Variants in HIBADH observed in about 807,000 individuals in gnomAD.
HIBADH encodes 3-hydroxyisobutyrate dehydrogenase.
Under a neutral mutation model 36.1 loss-of-function variants are expected in HIBADH, and 25 were observed. The observed-to-expected ratio is 0.69, with a 90% CI of 0.50 to 0.97. The LOEUF (loss-of-function observed/expected upper bound fraction) is 0.97, where lower values mean the gene tolerates loss of function less well. Among genes scored for constraint, HIBADH ranks in the 50% least tolerant of loss-of-function variants. The pLI is 0.00. For missense variants in HIBADH, 421 were observed against 418.0 expected (o/e 1.01, Z -0.06); for synonymous variants, 160 against 149.5 (o/e 1.07, Z -0.51).
chr7:27,578,763 ACT>A (rs1426460637), intron 4 of HIBADH, among the ~76,000 whole-genome samples: 1 of 152,152 alleles, frequency 6.6e-6, no homozygotes, highest in African/African-American at 2.4e-5. Context: ...AAGTAGTCAA[ACT>A]CTGCTTCCTT....
At chr7:27,575,967 G>A (rs951684023) in intron 4 of HIBADH, among the ~76,000 whole-genome samples, 1 of 152,138 alleles carries the variant, frequency 6.6e-6, no homozygotes, top group African/African-American at 2.4e-5. Context: ...CCCACCCTAG[G>A]ATTACTTTAA....
At chr7:27,591,489 T>G (rs1183784740) in intron 4 of HIBADH, among the ~76,000 whole-genome samples, 1 of 151,500 alleles carries the variant, frequency 6.6e-6, no homozygotes, top group Non-Finnish European at 1.5e-5. Context: ...AGGCGGAGGT[T>G]GCAGTGAGCC....
chr7:27,548,196 T>TAA (rs36140938), intron 4 of HIBADH, among the ~76,000 whole-genome samples: 2,116 of 144,152 alleles, frequency 0.015, 40 homozygotes, highest in South Asian at 0.02. Context: ...CTCTCTCTCT[T>TAA]AAAAAAAAAA....
At chr7:27,582,002 T>G (rs753866044) in intron 4 of HIBADH, among the ~76,000 whole-genome samples, 18 of 152,162 alleles carry the variant, frequency 1.2e-4, no homozygotes, top group Non-Finnish European at 2.2e-4. Flanking sequence ...AGATGCTTGT[T>G]TTCTCTCTTT....
intron 6 of HIBADH, among the ~76,000 whole-genome samples, chr7:27,533,155 G>A (rs1216630035): frequency 6.6e-6 from 1 of 151,988 alleles, no homozygotes; most frequent in Non-Finnish European, 1.5e-5. Flanking sequence ...AATCTACCAG[G>A]TTACACTCAG....
At chr7:27,572,994 C>G (rs573764115) in intron 4 of HIBADH, among the ~76,000 whole-genome samples, 39 of 151,998 alleles carry the variant, frequency 2.6e-4, no homozygotes, top group Non-Finnish European at 5.3e-4. Context: ...AAGATCAGAT[C>G]AATATGGGCC....
chr7:27,644,418 G>A (rs1260942590), intron 2 of HIBADH, among the ~76,000 whole-genome samples: 3 of 152,034 alleles, frequency 2.0e-5, no homozygotes, highest in Non-Finnish European at 4.4e-5. Context: ...TAGCCAGTAT[G>A]GTGAAACCCC....
At chr7:27,598,671 CAACAA>C (rs1785071365) in intron 4 of HIBADH, among the ~76,000 whole-genome samples, 1 of 152,022 alleles carries the variant, frequency 6.6e-6, no homozygotes, top group African/African-American at 2.4e-5. Context: ...CCATCTGCCA[CAACAA>C]AACAGAGAAA....
chr7:27,617,492 G>A (rs913198179), intron 4 of HIBADH, among the ~76,000 whole-genome samples: 1 of 152,058 alleles, frequency 6.6e-6, no homozygotes, highest in Non-Finnish European at 1.5e-5. Context: ...AATGGCTGAC[G>A]ACAGATACCA....
intron 5 of HIBADH, among the ~76,000 whole-genome samples, chr7:27,541,925 A>G (rs1784157158): frequency 6.6e-6 from 1 of 152,244 alleles, no homozygotes; most frequent in Non-Finnish European, 1.5e-5. Context: ...GGTGGCCACA[A>G]AATTATTACA....
At chr7:27,595,323 C>G (rs1785012922) in intron 4 of HIBADH, among the ~76,000 whole-genome samples, 1 of 152,082 alleles carries the variant, frequency 6.6e-6, no homozygotes, top group South Asian at 2.1e-4. Context: ...TCGAGACCAG[C>G]CTGGCCAACA....
At chr7:27,659,613 T>C (rs1000938640) in intron 1 of HIBADH, among the ~76,000 whole-genome samples, 1 of 151,906 alleles carries the variant, frequency 6.6e-6, no homozygotes, top group Non-Finnish European at 1.5e-5. Context: ...TCCCAGCTAC[T>C]TGGGAGGCTG....
intron 4 of HIBADH, among the ~76,000 whole-genome samples, chr7:27,565,481 T>C (rs1784532972): frequency 6.6e-6 from 1 of 152,194 alleles, no homozygotes; most frequent in Admixed American, 6.5e-5. Flanking sequence ...TGTTGATTGC[T>C]AGTATAGAGA....
At chr7:27,544,411 G>A (rs1291606883) in intron 4 of HIBADH, among the ~76,000 whole-genome samples, 2 of 152,060 alleles carry the variant, frequency 1.3e-5, no homozygotes, top group African/African-American at 2.4e-5. Context: ...TCACACATAT[G>A]GTTAAATTAC....
At position 27,526,129 on chromosome 7, in the gene HIBADH, A is replaced by T. The variant is rs975914258; in HGVS notation, c.*85T>A. The T allele has an allele frequency of 2.5e-6, 3 of 1,183,670 alleles. No homozygotes were observed. In the Admixed American group the frequency reaches 8.7e-5, roughly 34 times the overall value. 73.3% of individuals were successfully genotyped at this position (1,183,670 alleles called of 1,614,324 possible). A position where few individuals can be genotyped will look rare whatever the true frequency, so the allele number is the denominator to read the frequency against. On this transcript the variant is annotated 3_prime_UTR_variant, in exon 8 of 8. Coordinates refer to ENST00000265395, the MANE Select transcript of HIBADH (RefSeq NM_152740.4). The stretch of plus-strand genomic sequence containing the variant: ...AAAAGCAGATAGGTGACCTTTGATT[A>T]AATCCATTTACTTGTGGAGTGAGCT...
chr7:27,641,214 A>C (rs539609156), intron 2 of HIBADH, among the ~76,000 whole-genome samples: 18 of 152,324 alleles, frequency 1.2e-4, no homozygotes, highest in Non-Finnish European at 2.9e-5. Context: ...GCTTTCAAAA[A>C]AAACAAAAGC....
intron 1 of HIBADH, among the ~76,000 whole-genome samples, chr7:27,650,459 T>TC: frequency 7.6e-6 from 1 of 131,940 alleles, no homozygotes; most frequent in Admixed American, 8.8e-5. Context: ...CCTTATTATA[T>TC]TTTTATTTAT....
intron 7 of HIBADH, among the ~76,000 whole-genome samples, chr7:27,529,466 A>G (rs753176379): frequency 1.5e-4 from 23 of 152,232 alleles, no homozygotes; most frequent in Admixed American, 1.2e-3. Flanking sequence ...TCCAATGCTC[A>G]TGGATAACTT....
At chr7:27,530,067 CTA>C (rs1303741010) in intron 7 of HIBADH, among the ~76,000 whole-genome samples, 1 of 152,190 alleles carries the variant, frequency 6.6e-6, no homozygotes, top group Non-Finnish European at 1.5e-5. Flanking sequence ...ACTTAATAGA[CTA>C]TGGCATAGTA....
Sources: gnomAD v4.1 joint callset for allele counts (sites outside exome capture counted in the v4.1 genomes callset) on GRCh38, gnomAD v4.1.1 for gene constraint, MANE v1.5 for transcripts, NCBI Gene and HGNC (gene_info 2026-07-23, HGNC 2026-07-21) for gene names.